FOXO3: variants seen among roughly 807,000 people sequenced by gnomAD.
FOXO3 encodes the protein forkhead box O3.
Under a neutral mutation model 41.9 loss-of-function variants are expected in FOXO3, and 4 were observed. The ratio of observed to expected loss-of-function variants is 0.10; its 90% CI spans 0.05 to 0.22. The LOEUF (loss-of-function observed/expected upper bound fraction) is 0.22. Ranked by LOEUF, FOXO3 falls within the 10% of genes least tolerant of loss-of-function variation. FOXO3 has a pLI of 1.00. For synonymous variants in FOXO3, 318 were observed against 389.3 expected (o/e 0.82, Z 2.16); for missense variants, 534 against 906.8 (o/e 0.59, Z 5.28).
At chr6:108,560,624 G>A (rs1775746055), upstream of FOXO3, among the ~76,000 whole-genome samples, 1 of 152,164 alleles carries the variant, frequency 6.6e-6, no homozygotes, top group Non-Finnish European at 1.5e-5. Flanking sequence ...AAGAGCCGAA[G>A]ACAGCACAGA....
chr6:108,674,770 C>G (rs1310585635), intron 2 of FOXO3, among the ~76,000 whole-genome samples: 3 of 152,102 alleles, frequency 2.0e-5, no homozygotes, highest in Admixed American at 6.5e-5. Flanking sequence ...GACAGTGGAA[C>G]CTGATCCCAC....
At position 108,659,636 on chromosome 6, in the gene FOXO3, G is replaced by C. The variant is rs1443990272; in HGVS notation, c.622-3819G>C. Among the ~76,000 whole-genome samples, 3 of 151,156 alleles carry C rather than the reference G, an allele frequency of 2.0e-5. No individual in the cohort carries two copies. The East Asian group carries it at 5.9e-4, about 30-fold the overall frequency. On this transcript the variant is annotated intron_variant, in intron 1 of 2. Transcript: ENST00000406360. The stretch of plus-strand genomic sequence containing the variant: ...AACTGACAGTGCTGTAATCTGGCAG[G>C]CACTGTCATCCTTGCAATTAGGGGA...
At chr6:108,578,223 C>A (rs1184134039) in intron 1 of FOXO3, among the ~76,000 whole-genome samples, 1 of 152,204 alleles carries the variant, frequency 6.6e-6, no homozygotes, top group Non-Finnish European at 1.5e-5. Flanking sequence ...GCTTACCCCA[C>A]ACAGACTAAA....
intron 1 of FOXO3, among the ~76,000 whole-genome samples, chr6:108,577,382 C>T (rs935167038): frequency 2.6e-5 from 4 of 152,158 alleles, no homozygotes; most frequent in Non-Finnish European, 4.4e-5. Context: ...ATAGTAACCT[C>T]GGTTTCACTT....
chr6:108,560,948 C>G lies in FOXO3; in HGVS notation c.-261C>G. Reference sequence around the variant, plus strand: ...TGCTGCGCCAGGTTCGCTGGCCGCACGTCTTCAGGTCCTCCTGTTCCTGGG... The same window carrying G: ...TGCTGCGCCAGGTTCGCTGGCCGCAGGTCTTCAGGTCCTCCTGTTCCTGGG... On this transcript the variant is annotated 5_prime_UTR_variant, in exon 1 of 3. Coordinates refer to ENST00000406360, the MANE Select transcript of FOXO3 (RefSeq NM_001455.4). 7.7e-7 allele frequency: 1 copy of G among 1,303,292 alleles called. No homozygotes were observed. Among genetic ancestry groups the G allele is most frequent in the Non-Finnish European group, 9.7e-7 (1 of 1,029,384 alleles). 80.7% of individuals were successfully genotyped at this position (1,303,292 alleles called of 1,614,324 possible). A position where few individuals can be genotyped will look rare whatever the true frequency, so the allele number is the denominator to read the frequency against.
At chr6:108,660,217 G>C (rs532393289) in intron 1 of FOXO3, among the ~76,000 whole-genome samples, 2 of 152,114 alleles carry the variant, frequency 1.3e-5, no homozygotes, top group Non-Finnish European at 2.9e-5. Flanking sequence ...GTACTTGCCT[G>C]CTTTCTGAAC....
At chr6:108,584,016 A>G (rs1485515424) in intron 1 of FOXO3, among the ~76,000 whole-genome samples, 1 of 152,196 alleles carries the variant, frequency 6.6e-6, no homozygotes, top group Non-Finnish European at 1.5e-5. Flanking sequence ...AAACTCAGGG[A>G]AAAGTATACA....
rs1168786151 is a variant in FOXO3, at chr6:108,683,198, TTTGG to T, written c.*3408_*3411del. On this transcript the variant is annotated 3_prime_UTR_variant, in exon 3 of 3. Transcript: ENST00000406360. ...GTACAAGGCGGACTTTGTGTTTGTT[TTTGG>T]TGTTAATTTTTAGCATTGTGTGTGT... The T allele has an allele frequency of 1.3e-5, 2 of 152,564 alleles. No homozygotes were observed. The highest frequency in any genetic ancestry group is 4.8e-5 in the African/African-American group (2 of 41,428). 9.5% of individuals were successfully genotyped at this position (152,564 alleles called of 1,614,324 possible).
At chr6:108,656,708 T>C (rs1582820888) in intron 1 of FOXO3, among the ~76,000 whole-genome samples, 1 of 152,224 alleles carries the variant, frequency 6.6e-6, no homozygotes, top group East Asian at 1.9e-4. Context: ...GTGGGAATTA[T>C]CCCCTTTGTA....
intron 1 of FOXO3, among the ~76,000 whole-genome samples, chr6:108,624,772 A>G (rs1278283518): frequency 6.6e-6 from 1 of 152,102 alleles, no homozygotes; most frequent in East Asian, 1.9e-4. Flanking sequence ...TCATATATAC[A>G]TATAAATTTT....
At chr6:108,647,233 G>A (rs1778417604) in intron 1 of FOXO3, among the ~76,000 whole-genome samples, 1 of 152,086 alleles carries the variant, frequency 6.6e-6, no homozygotes, top group Non-Finnish European at 1.5e-5. Context: ...CAAATTCTTT[G>A]GCAGCTACCC....
intron 1 of FOXO3, among the ~76,000 whole-genome samples, chr6:108,662,272 G>A (rs1483309853): frequency 1.3e-5 from 2 of 152,154 alleles, no homozygotes; most frequent in Non-Finnish European, 2.9e-5. Context: ...TTCTCATCAT[G>A]TCATATCAAG....
intron 1 of FOXO3, among the ~76,000 whole-genome samples, chr6:108,661,295 A>G (rs1005816602): frequency 6.6e-6 from 1 of 152,094 alleles, no homozygotes; most frequent in African/African-American, 2.4e-5. Flanking sequence ...TTCTACATGA[A>G]TACAGTTCGT....
chr6:108,622,628 C>A (rs1582788964), intron 1 of FOXO3, among the ~76,000 whole-genome samples: 1 of 152,106 alleles, frequency 6.6e-6, no homozygotes, highest in Admixed American at 6.5e-5. Context: ...CCACACAAAT[C>A]CTGACAGGAG....
Position 108,663,952 on chromosome 6 carries a change from A to G in FOXO3, c.1119A>G (p.Ala373=), listed in dbSNP as rs1470902170. Reference sequence around the variant, plus strand: ...AACTGCCACGGCTGACTGATATGGCAGGCACCATGAATCTGAATGATGGGC... The same window carrying G: ...AACTGCCACGGCTGACTGATATGGCGGGCACCATGAATCTGAATGATGGGC... ...TVELPRLTDM[A]GTMNLNDGLT... Residue 373 remains alanine, a synonymous_variant, in exon 2 of 3, where the codon GCA becomes GCG. Transcript: ENST00000406360. The G allele has an allele frequency of 6.2e-7, 1 of 1,614,066 alleles. No individual in the cohort carries two copies. The highest frequency in any genetic ancestry group is 1.3e-5 in the African/African-American group (1 of 74,928).
intron 1 of FOXO3, among the ~76,000 whole-genome samples, chr6:108,582,847 C>T (rs1258883164): frequency 6.6e-6 from 1 of 152,132 alleles, no homozygotes; most frequent in Non-Finnish European, 1.5e-5. Flanking sequence ...GTACCCCCTT[C>T]TCAGCAGCCC....
intron 1 of FOXO3, among the ~76,000 whole-genome samples, chr6:108,658,716 G>T (rs1778761409): frequency 6.6e-6 from 1 of 152,128 alleles, no homozygotes; most frequent in Admixed American, 6.5e-5. Context: ...GAGCCACCGT[G>T]CCTGGCCAAC....
At chr6:108,621,333 A>AT (rs1777657616) in intron 1 of FOXO3, among the ~76,000 whole-genome samples, 2 of 152,244 alleles carry the variant, frequency 1.3e-5, no homozygotes, top group South Asian at 4.1e-4. Flanking sequence ...TGCCTTGCCA[A>AT]CTGCCTGCTG....
chr6:108,589,506 T>C (rs1733137618), intron 1 of FOXO3, among the ~76,000 whole-genome samples: 1 of 152,252 alleles, frequency 6.6e-6, no homozygotes, highest in South Asian at 2.1e-4. Flanking sequence ...GGAAAGTTCT[T>C]CGTTTAAGGC....
Sources: allele counts gnomAD v4.1 joint callset (sites outside exome capture counted in the v4.1 genomes callset), GRCh38; gene constraint gnomAD v4.1.1; transcripts MANE v1.5; gene names NCBI Gene and HGNC (gene_info 2026-07-23, HGNC 2026-07-21).